NTPCR: variants seen among roughly 807,000 people sequenced by gnomAD.
NTPCR encodes the protein cancer-related nucleoside-triphosphatase.
A neutral mutation model predicts 19.5 loss-of-function variants in NTPCR; 15 were observed. That is an observed-to-expected ratio of 0.77 (90% CI 0.51 to 1.18). The LOEUF (loss-of-function observed/expected upper bound fraction) is 1.18, where lower values mean the gene tolerates loss of function less well. Among genes scored for constraint, NTPCR ranks in the 50% most tolerant of loss-of-function variants. The probability of loss-of-function intolerance (pLI) is 0.00; values close to 1 mark genes in which losing one functional copy is unlikely to be tolerated. For missense variants in NTPCR, 206 were observed against 240.4 expected, an observed-to-expected ratio of 0.86 and a Z score of 0.95; for synonymous variants, 90 against 95.8, an observed-to-expected ratio of 0.94 and a Z score of 0.36.
chr1:232,951,449 G>C (rs1160635792), intron 1 of NTPCR, among the ~76,000 whole-genome samples: 5 of 152,200 alleles, frequency 3.3e-5, no homozygotes, highest in Non-Finnish European at 7.3e-5. Context: ...GTTGAGGTCA[G>C]ATGAGAGGTG....
Position 232,981,380 on chromosome 1 carries a change from T to G in NTPCR, c.*3149T>G, listed in dbSNP as rs1669275485. On this transcript the variant is annotated 3_prime_UTR_variant, in exon 5 of 5. Coordinates refer to ENST00000366628, the MANE Select transcript of NTPCR (RefSeq NM_032324.3). ...CCTGCTCCTCTTCTTTTCCTGCCAA[T>G]TACCGTATTCATAGAAGGTTGTGTC... 6.6e-6 allele frequency: 1 copy of G among 152,222 alleles called. No individual in the cohort carries two copies. 9.4% of individuals were successfully genotyped at this position (152,222 alleles called of 1,614,324 possible).
rs1370066726 is a variant in NTPCR, at chr1:232,982,726, C to T, written c.*4495C>T. On this transcript the variant is annotated 3_prime_UTR_variant, in exon 5 of 5. Coordinates refer to ENST00000366628, the MANE Select transcript of NTPCR (RefSeq NM_032324.3). ...TACTTCTGGATGCCTAAGGAGTGGCCAGTCATACTCCTGGCTGACCACTGC... is the reference window on the plus strand; with the variant it reads ...TACTTCTGGATGCCTAAGGAGTGGCTAGTCATACTCCTGGCTGACCACTGC... 6.6e-6 allele frequency: 1 copy of T among 152,194 alleles called. No individual in the cohort carries two copies. The highest frequency in any genetic ancestry group is 1.5e-5 in the Non-Finnish European group (1 of 68,042). The allele number at this position is 152,194 out of a possible 1,614,324, so 9.4% of individuals were successfully genotyped here.
intron 3 of NTPCR, chr1:232,964,998 G>T (rs986505607): frequency 1.3e-5 from 2 of 152,188 alleles, no homozygotes; most frequent in African/African-American, 2.4e-5. Flanking sequence ...GTAGAGGAGA[G>T]AAGTCCTTTT....
intron 1 of NTPCR, among the ~76,000 whole-genome samples, chr1:232,952,468 C>G (rs1668394239): frequency 6.6e-6 from 1 of 151,926 alleles, no homozygotes. Context: ...CTGGGCCTCC[C>G]AAAATACTGG....
chr1:232,978,663 A>T lies in NTPCR; in HGVS notation c.*432A>T, dbSNP rs944748531. The stretch of plus-strand genomic sequence containing the variant: ...CCTCTCCAGGTGCAGCTTCAGCCTC[A>T]TGCAACTTAAAGTGATAACAGTTAT... On this transcript the variant is annotated 3_prime_UTR_variant, in exon 5 of 5. Coordinates refer to ENST00000366628, the MANE Select transcript of NTPCR (RefSeq NM_032324.3). 2 of 154,216 alleles carry T rather than the reference A, an allele frequency of 1.3e-5. No individual in the cohort carries two copies. Among genetic ancestry groups the T allele is most frequent in the African/African-American group, 4.8e-5 (2 of 41,524 alleles). 9.6% of individuals were successfully genotyped at this position (154,216 alleles called of 1,614,324 possible).
At position 232,981,488 on chromosome 1, in the gene NTPCR, C is replaced by T. The variant is rs1669277979; in HGVS notation, c.*3257C>T. ...GGACAAAACAGCATGGTAGATGAGGCTGGAGACGGGTGGGCTAAGTAAACA... is the reference window on the plus strand; with the variant it reads ...GGACAAAACAGCATGGTAGATGAGGTTGGAGACGGGTGGGCTAAGTAAACA... On this transcript the variant is annotated 3_prime_UTR_variant, in exon 5 of 5. Transcript: ENST00000366628. The T allele has an allele frequency of 6.6e-6, 1 of 152,178 alleles. No homozygotes were observed. Among genetic ancestry groups the T allele is most frequent in the Non-Finnish European group, 1.5e-5 (1 of 68,036 alleles). The allele number at this position is 152,178 out of a possible 1,614,324, so 9.4% of individuals were successfully genotyped here. A position where few individuals can be genotyped will look rare whatever the true frequency, so the allele number is the denominator to read the frequency against.
rs759405043 is a variant in NTPCR, at chr1:232,978,269, A to G, written c.*38A>G. On this transcript the variant is annotated 3_prime_UTR_variant, in exon 5 of 5. Coordinates refer to ENST00000366628, the MANE Select transcript of NTPCR (RefSeq NM_032324.3). ...TCCTGCCTTCCGTGAAGGAGTGCCC[A>G]GTTCAAGAGGAGCCTGATGGAGCCC... 55 of 1,576,168 alleles carry G rather than the reference A, an allele frequency of 3.5e-5. No individual in the cohort carries two copies. In the East Asian group the frequency reaches 1.2e-3, roughly 34 times the overall value.
At chr1:232,950,775 G>C (rs1260681268) in intron 1 of NTPCR, 31 bp downstream of exon 1, 4 of 1,528,802 alleles carry the variant, frequency 2.6e-6, no homozygotes, top group Non-Finnish European at 3.6e-6. Flanking sequence ...ACCTCCAAGA[G>C]GTCGAGGGGG....
chr1:232,976,453 G>C, intron 4 of NTPCR: 2 of 1,550,566 alleles, frequency 1.3e-6, no homozygotes, highest in Middle Eastern at 1.7e-4. Flanking sequence ...GCTGAACTCA[G>C]AGTGGAAGAA....
chr1:232,980,284 ACTTTCC>A lies in NTPCR; in HGVS notation c.*2058_*2063del, dbSNP rs1177027178. 3 of 152,324 alleles carry A rather than the reference ACTTTCC, an allele frequency of 2.0e-5. No individual in the cohort carries two copies. Among genetic ancestry groups the A allele is most frequent in the South Asian group, 4.1e-4 (2 of 4,824 alleles). 9.4% of individuals were successfully genotyped at this position (152,324 alleles called of 1,614,324 possible). A position where few individuals can be genotyped will look rare whatever the true frequency, so the allele number is the denominator to read the frequency against. ...CTTGGGGCTGCGGGAGCTTCTGCAC[ACTTTCC>A]CTTTAACGGTAAAGAGACAAGCTTG... On this transcript the variant is annotated 3_prime_UTR_variant, in exon 5 of 5. Coordinates refer to ENST00000366628, the MANE Select transcript of NTPCR (RefSeq NM_032324.3).
At position 232,979,769 on chromosome 1, in the gene NTPCR, A is replaced by G. The variant is rs1027043029; in HGVS notation, c.*1538A>G. ...CATGCCTCAGTGGGCCAGGAGAGGC[A>G]CGGCCTCTGAGTTGGGTAGAGGCTT... On this transcript the variant is annotated 3_prime_UTR_variant, in exon 5 of 5. Transcript: ENST00000366628. The surrounding 1 kb of genome is among the most constrained non-coding windows in gnomAD (Gnocchi z 5.3). 37 of 152,218 alleles carry G rather than the reference A, an allele frequency of 2.4e-4. No individual in the cohort carries two copies. The highest frequency in any genetic ancestry group is 8.9e-4 in the African/African-American group (37 of 41,460). 9.4% of individuals were successfully genotyped at this position (152,218 alleles called of 1,614,324 possible). A position where few individuals can be genotyped will look rare whatever the true frequency, so the allele number is the denominator to read the frequency against.
At chr1:232,958,873 A>G (rs1463745106) in intron 3 of NTPCR, among the ~76,000 whole-genome samples, 1 of 152,250 alleles carries the variant, frequency 6.6e-6, no homozygotes, top group Non-Finnish European at 1.5e-5. Flanking sequence ...CCCTGCTCAG[A>G]CAGAGTAGAC....
intron 3 of NTPCR, chr1:232,963,868 T>C (rs1489851686): frequency 6.6e-6 from 1 of 151,408 alleles, no homozygotes; most frequent in African/African-American, 2.4e-5. Flanking sequence ...TGTGTGTGTG[T>C]TTGTGTGTGT....
chr1:232,954,410 G>A (rs944448095), intron 1 of NTPCR, among the ~76,000 whole-genome samples: 1 of 152,222 alleles, frequency 6.6e-6, no homozygotes. Flanking sequence ...GAAATAGCAT[G>A]ATTTGCAACT....
chr1:232,961,696 C>T (rs2102744906), intron 3 of NTPCR, among the ~76,000 whole-genome samples: 1 of 151,406 alleles, frequency 6.6e-6, no homozygotes, highest in East Asian at 1.9e-4. Context: ...AAAATTTTAC[C>T]TATATATTTC....
Position 232,978,269 on chromosome 1 carries a change from A to C in NTPCR, c.*38A>C. The stretch of plus-strand genomic sequence containing the variant: ...TCCTGCCTTCCGTGAAGGAGTGCCC[A>C]GTTCAAGAGGAGCCTGATGGAGCCC... On this transcript the variant is annotated 3_prime_UTR_variant, in exon 5 of 5. Transcript: ENST00000366628. The C allele has an allele frequency of 6.3e-7, 1 of 1,576,286 alleles. No homozygotes were observed. Among genetic ancestry groups the C allele is most frequent in the Non-Finnish European group, 8.7e-7 (1 of 1,146,672 alleles).
chr1:232,959,466 G>T (rs896776562), intron 3 of NTPCR, among the ~76,000 whole-genome samples: 2 of 152,118 alleles, frequency 1.3e-5, no homozygotes, highest in African/African-American at 4.8e-5. Flanking sequence ...CCCAGTCAGG[G>T]TCATGGATTT....
Position 232,956,252 on chromosome 1 carries a change from G to A in NTPCR, c.198-95G>A, listed in dbSNP as rs894838288. ...GTTGGTCATTTTTAAGGATGATTTA[G>A]CATATGTGGAATGCCAGAGGCTCAG... On this transcript the variant is annotated intron_variant, in intron 2 of 4. Coordinates refer to ENST00000366628, the MANE Select transcript of NTPCR (RefSeq NM_032324.3). The A allele has an allele frequency of 8.7e-6, 7 of 806,212 alleles. No homozygotes were observed. In the African/African-American group the frequency reaches 1.0e-4, roughly 12 times the overall value. The allele number at this position is 806,212 out of a possible 1,614,324, so 49.9% of individuals were successfully genotyped here. A position where few individuals can be genotyped will look rare whatever the true frequency, so the allele number is the denominator to read the frequency against.
intron 3 of NTPCR, chr1:232,962,284 G>A (rs1386087800): frequency 2.0e-5 from 3 of 152,100 alleles, no homozygotes; most frequent in South Asian, 2.1e-4. Context: ...TGGGACTATA[G>A]TTATTTTGAC....
Sources: gnomAD v4.1 joint callset for allele counts (sites outside exome capture counted in the v4.1 genomes callset) on GRCh38, gnomAD v4.1.1 for gene constraint, Gnocchi (gnomAD v3.1) non-coding constraint, MANE v1.5 for transcripts, NCBI Gene and HGNC (gene_info 2026-07-23, HGNC 2026-07-21) for gene names.